Variants in SLC12A4 observed in about 807,000 individuals in gnomAD.
The protein encoded by SLC12A4 is solute carrier family 12 member 4.
SLC12A4 carries 84 observed loss-of-function variants against 119.2 expected under a neutral mutation model. The ratio of observed to expected loss-of-function variants is 0.70; its 90% CI spans 0.59 to 0.85. The LOEUF is 0.85. Among genes scored for constraint, SLC12A4 ranks in the 40% least tolerant of loss-of-function variants. The probability of loss-of-function intolerance (pLI) is 0.00; values close to 1 mark genes in which losing one functional copy is unlikely to be tolerated. For synonymous variants in SLC12A4, 599 were observed against 604.6 expected, an observed-to-expected ratio of 0.99 and a Z score of 0.14; for missense variants, 1,298 against 1,476.3, an observed-to-expected ratio of 0.88 and a Z score of 1.98.
chr16:67,943,548 A>G lies in SLC12A4; in HGVS notation c.*1292T>C. 6.0e-6 allele frequency: 3 copies of G among 502,048 alleles called. No homozygotes were observed. In the South Asian group the frequency reaches 6.2e-5, roughly 10 times the overall value. The allele number at this position is 502,048 out of a possible 1,614,324, so 31.1% of individuals were successfully genotyped here. A position where few individuals can be genotyped will look rare whatever the true frequency, so the allele number is the denominator to read the frequency against. ...GTCTGGGGGCATGGGGGCTGGGCCTAATAGGGGCCGGGCATGGATGGGCCT... is the reference window on the plus strand; with the variant it reads ...GTCTGGGGGCATGGGGGCTGGGCCTGATAGGGGCCGGGCATGGATGGGCCT... On this transcript the variant is annotated 3_prime_UTR_variant, in exon 24 of 24. Transcript: ENST00000316341. The surrounding 1 kb of genome is among the most constrained non-coding windows in gnomAD (Gnocchi z 4.6).
At chr16:67,947,901 G>A in intron 14 of SLC12A4, 113 bp from the exon 15 acceptor site, 2 of 1,496,376 alleles carry the variant, frequency 1.3e-6, no homozygotes, top group Non-Finnish European at 1.8e-6. Context: ...CCAGGTGGGT[G>A]GTCAGGTCAC....
rs1225602025 is a variant in SLC12A4 at position 67,944,741 on chromosome 16, G to A, written c.*99C>T. The stretch of plus-strand genomic sequence containing the variant: ...GTCCAGGACAGGGCCAGGCAAGCAG[G>A]GCTGGCAGGTGGGTGCTGGGAAGAG... On this transcript the variant is annotated 3_prime_UTR_variant, in exon 24 of 24. Coordinates refer to ENST00000316341, the MANE Select transcript of SLC12A4 (RefSeq NM_005072.5). This position sits in a 1 kb window ranked among gnomAD's most constrained non-coding sequence, Gnocchi z 6.6. The A allele has an allele frequency of 4.0e-6, 6 of 1,512,282 alleles. No homozygotes were observed. Among genetic ancestry groups the A allele is most frequent in the Non-Finnish European group, 5.3e-6 (6 of 1,130,996 alleles). 93.7% of individuals were successfully genotyped at this position (1,512,282 alleles called of 1,614,324 possible). A position where few individuals can be genotyped will look rare whatever the true frequency, so the allele number is the denominator to read the frequency against.
intron 2 of SLC12A4, 101 bp downstream of exon 2, chr16:67,963,364 G>T: frequency 1.5e-6 from 1 of 679,552 alleles, no homozygotes; most frequent in Non-Finnish European, 2.5e-6. Flanking sequence ...AAGAGGAGAT[G>T]AGAGGAAGAG....
In SLC12A4 at chr16:67,951,715, G is replaced by C; in HGVS notation, c.1132+108C>G. On this transcript the variant is annotated intron_variant, in intron 8 of 23. Coordinates refer to ENST00000316341, the MANE Select transcript of SLC12A4 (RefSeq NM_005072.5). This position sits in a 1 kb window ranked among gnomAD's most constrained non-coding sequence, Gnocchi z 5.2. The stretch of plus-strand genomic sequence containing the variant: ...AGGACACTGGGGGGCTGGGAAGGCG[G>C]CCAGTCCTGCCCCCGTTCCCAAGCT... 1 of 1,034,836 alleles carries C rather than the reference G, an allele frequency of 9.7e-7. No individual in the cohort carries two copies. The allele number at this position is 1,034,836 out of a possible 1,614,324, so 64.1% of individuals were successfully genotyped here. A position where few individuals can be genotyped will look rare whatever the true frequency, so the allele number is the denominator to read the frequency against.
chr16:67,944,327 G>A lies in SLC12A4; in HGVS notation c.*513C>T, dbSNP rs548113376. The A allele has an allele frequency of 1.4e-6, 2 of 1,403,422 alleles. No homozygotes were observed. Among genetic ancestry groups the A allele is most frequent in the South Asian group, 1.6e-5 (1 of 60,908 alleles). 86.9% of individuals were successfully genotyped at this position (1,403,422 alleles called of 1,614,324 possible). A position where few individuals can be genotyped will look rare whatever the true frequency, so the allele number is the denominator to read the frequency against. On this transcript the variant is annotated 3_prime_UTR_variant, in exon 24 of 24. Coordinates refer to ENST00000316341, the MANE Select transcript of SLC12A4 (RefSeq NM_005072.5). The surrounding 1 kb of genome is among the most constrained non-coding windows in gnomAD (Gnocchi z 6.6). ...GGAAACAGAGCCGGGGCAGCAGGAG[G>A]CCCAGAACTACACAATGTTTTATTG...
intron 2 of SLC12A4, among the ~76,000 whole-genome samples, chr16:67,962,039 G>A (rs1321314996): frequency 2.0e-5 from 3 of 152,180 alleles, no homozygotes; most frequent in African/African-American, 7.2e-5. Flanking sequence ...ACTTCATCCT[G>A]CCTGCTCTGC....
Position 67,946,924 on chromosome 16 carries a change from C to G in SLC12A4, c.2241+13G>C, listed in dbSNP as rs1297524762. The G allele has an allele frequency of 2.5e-6, 4 of 1,610,966 alleles. No homozygotes were observed. The highest frequency in any genetic ancestry group is 3.4e-6 in the Non-Finnish European group (4 of 1,178,830). ...TGTAGTCTGGCTCAGCTCTCCCTCC[C>G]CAAAGCAAGTACCTGCTCGGCGGCC... On this transcript the variant is annotated intron_variant, in intron 17 of 23. Coordinates refer to ENST00000316341, the MANE Select transcript of SLC12A4 (RefSeq NM_005072.5).
In SLC12A4 at chr16:67,947,330, C is replaced by T; in HGVS notation, c.2072+1G>A. On this transcript the variant is annotated splice_donor_variant, in intron 16 of 23. Transcript: ENST00000316341. LOFTEE classifies it high-confidence loss of function. The stretch of plus-strand genomic sequence containing the variant: ...CTGGCCAGGGTCTGGCGGGAACTCA[C>T]CGCCAGTTCTTGGTGTGAGGAGGCC... 1 of 1,611,418 alleles carries T rather than the reference C, an allele frequency of 6.2e-7. No individual in the cohort carries two copies.
intron 6 of SLC12A4, 119 bp from the exon 7 acceptor site, chr16:67,952,544 A>G: frequency 9.1e-7 from 1 of 1,095,080 alleles, no homozygotes; most frequent in Non-Finnish European, 1.4e-6. Flanking sequence ...TCACGCCTGT[A>G]ATCCCAGCAC....
At chr16:67,953,597 AC>A (rs1403371386) in intron 6 of SLC12A4, among the ~76,000 whole-genome samples, 48 of 152,258 alleles carry the variant, frequency 3.2e-4, no homozygotes, top group African/African-American at 1.1e-3. Flanking sequence ...TCTAGAATTG[AC>A]TGCGCAACTC....
chr16:67,955,308 C>A (rs1217999012), intron 5 of SLC12A4, among the ~76,000 whole-genome samples: 2 of 152,244 alleles, frequency 1.3e-5, no homozygotes, highest in Non-Finnish European at 2.9e-5. Context: ...AGAGTCATGA[C>A]CAGGCCCCAG....
At chr16:67,947,827 G>A (rs769598913) in intron 14 of SLC12A4, 39 bp from the exon 15 acceptor site, 15 of 1,555,202 alleles carry the variant, frequency 9.6e-6, no homozygotes, top group Non-Finnish European at 1.3e-5. Flanking sequence ...GCAGGACCAG[G>A]AGGACCCCTG....
At chr16:67,959,294 C>T (rs1033013524) in intron 3 of SLC12A4, among the ~76,000 whole-genome samples, 6 of 152,214 alleles carry the variant, frequency 3.9e-5, no homozygotes, top group Admixed American at 2.0e-4. Context: ...GTGGCCCTGA[C>T]AGCTTCCACT....
rs568288823 is a variant in SLC12A4 at position 67,943,735 on chromosome 16, C to T, written c.*1105G>A. 39 of 584,826 alleles carry T rather than the reference C, an allele frequency of 6.7e-5. No individual in the cohort carries two copies. The African/African-American group carries it at 6.7e-4, about 10-fold the overall frequency. 36.2% of individuals were successfully genotyped at this position (584,826 alleles called of 1,614,324 possible). ...CACACCCCGTCCCCCACTCCGCCCC[C>T]CCTGGGTTAGACAACTGAGAGTCAC... is the stretch of plus-strand genomic sequence containing the variant. On this transcript the variant is annotated 3_prime_UTR_variant, in exon 24 of 24. Transcript: ENST00000316341. The surrounding 1 kb of genome is among the most constrained non-coding windows in gnomAD (Gnocchi z 4.6).
rs369427961 is a variant in SLC12A4 at position 67,944,917 on chromosome 16, C to G, written c.3181G>C (p.Glu1061Gln). 14 of 1,613,288 alleles carry G rather than the reference C, an allele frequency of 8.7e-6. No individual in the cohort carries two copies. The highest frequency in any genetic ancestry group is 1.2e-5 in the Non-Finnish European group (14 of 1,180,018). Residue 1061 changes from glutamate (E) to glutamine (Q), a missense_variant, in exon 24 of 24, where the codon GAG becomes CAG. Coordinates refer to ENST00000316341, the MANE Select transcript of SLC12A4 (RefSeq NM_005072.5). This position sits in a 1 kb window ranked among gnomAD's most constrained non-coding sequence, Gnocchi z 6.6. ...EGDENYMEFL[E>Q]VLTEGLERVL... ...CGCTCAAGGCCCTCGGTCAGCACCT[C>G]GAGGAACTCCATGTCTGCAGGGCCT...
Position 67,945,163 on chromosome 16 carries a change from G to A in SLC12A4, c.3090C>T (p.Val1030=). The change falls in exon 23 of 24, where the codon GTC becomes GTT. Residue 1030 remains valine (V), a synonymous_variant. Coordinates refer to ENST00000316341, the MANE Select transcript of SLC12A4 (RefSeq NM_005072.5). ...CCAGGCGGGCGTCGTGGGAGCGCGT[G>A]ACAATGACTTCATTGAGCTTCACAG... ...HTAVKLNEVI[V]TRSHDARLVL... is the part of the protein sequence containing the mutation. 6.3e-7 allele frequency: 1 copy of A among 1,596,794 alleles called. No individual in the cohort carries two copies. Among genetic ancestry groups the A allele is most frequent in the Non-Finnish European group, 8.5e-7 (1 of 1,170,406 alleles).
chr16:67,948,031 AGGGTCTCCC>A, intron 14 of SLC12A4, 21 bp downstream of exon 14: 1 of 1,606,184 alleles, frequency 6.2e-7, no homozygotes, highest in Non-Finnish European at 8.5e-7. Flanking sequence ...TGGCCTCCCC[AGGGTCTCCC>A]GTGTCAGAGG....
chr16:67,954,224 T>G, intron 6 of SLC12A4: 1 of 337,454 alleles, frequency 3.0e-6, no homozygotes. Flanking sequence ...CTTACCCTGA[T>G]TGAAGGACAA....
Position 67,954,696 on chromosome 16 carries a change from C to T in SLC12A4, c.622G>A (p.Gly208Arg). The part of the protein sequence containing the change: ...GGAVGLCFYL[G>R]TTFAAAMYIL... ...TACATGGCTGCTGCGAATGTTGTTC[C>T]CAGGTAGAAGCACAGGCCCACAGCA... Residue 208 changes from glycine (G) to arginine (R), a missense_variant, in exon 6 of 24, where the codon GGA becomes AGA. Physicochemically the swap from Gly to Arg is moderately radical, Grantham distance 125. Coordinates refer to ENST00000316341, the MANE Select transcript of SLC12A4 (RefSeq NM_005072.5). 1 of 1,614,156 alleles carries T rather than the reference C, an allele frequency of 6.2e-7. No individual in the cohort carries two copies. The highest frequency in any genetic ancestry group is 8.5e-7 in the Non-Finnish European group (1 of 1,180,038).
Sources: gnomAD v4.1 joint callset for allele counts (sites outside exome capture counted in the v4.1 genomes callset) on GRCh38, gnomAD v4.1.1 for gene constraint, Gnocchi (gnomAD v3.1) non-coding constraint, MANE v1.5 for transcripts, NCBI Gene and HGNC (gene_info 2026-07-23, HGNC 2026-07-21) for gene names.